Variants in RGS6 observed in about 807,000 individuals in gnomAD.
RGS6 encodes regulator of G protein signaling 6.
A neutral mutation model predicts 78.5 loss-of-function variants in RGS6; 30 were observed. The observed-to-expected ratio is 0.38, with a 90% CI of 0.29 to 0.52. The LOEUF (loss-of-function observed/expected upper bound fraction) is 0.52, where lower values mean the gene tolerates loss of function less well. Ranked by LOEUF, RGS6 falls within the 20% of genes least tolerant of loss-of-function variation. The probability of loss-of-function intolerance (pLI) is 0.85; values close to 1 mark genes in which losing one functional copy is unlikely to be tolerated. For synonymous variants in RGS6, 206 were observed against 206.0 expected (o/e 1.00, Z 0.00); for missense variants, 495 against 609.7 (o/e 0.81, Z 1.98).
chr14:71,989,989 G>C (rs1316088094), intron 2 of RGS6, among the ~76,000 whole-genome samples: 1 of 147,818 alleles, frequency 6.8e-6, no homozygotes, highest in Admixed American at 6.8e-5. Flanking sequence ...AAGAAAAGAG[G>C]GTTATTTAGC....
the RGS6 span, among the ~76,000 whole-genome samples, chr14:72,610,315 T>C: frequency 6.6e-6 from 1 of 152,052 alleles, no homozygotes; most frequent in Non-Finnish European, 1.5e-5. Flanking sequence ...GAGCAGCAGG[T>C]AGGCAGCTCA....
At chr14:72,416,111 C>T (rs376106202) in intron 3 of RGS6, among the ~76,000 whole-genome samples, 13 of 150,368 alleles carry the variant, frequency 8.6e-5, no homozygotes, top group African/African-American at 2.9e-4. Context: ...TCGCACTGCA[C>T]CCCAGCCTGG....
chr14:72,208,239 C>G (rs2043161887), intron 2 of RGS6, among the ~76,000 whole-genome samples: 2 of 152,208 alleles, frequency 1.3e-5, no homozygotes, highest in South Asian at 4.1e-4. Flanking sequence ...AGGCTTACTG[C>G]TATTGGAGCT....
the RGS6 span, among the ~76,000 whole-genome samples, chr14:72,626,952 G>A: frequency 3.3e-3 from 505 of 151,288 alleles, 1 homozygote; most frequent in Non-Finnish European, 5.7e-3. Flanking sequence ...ATCTTTAAGG[G>A]TCATTTTTAT....
chr14:72,096,971 ATACCGCTGCTGCAGCACGTCTGTAG>A, intron 2 of RGS6, among the ~76,000 whole-genome samples: 1 of 152,328 alleles, frequency 6.6e-6, no homozygotes, highest in South Asian at 2.1e-4. Flanking sequence ...AAGGGTGAGG[ATACCGCTGCTGCAGCACGTCTGTAG>A]TAGGGAATGA....
At chr14:72,116,192 G>T (rs2095880163) in intron 2 of RGS6, among the ~76,000 whole-genome samples, 1 of 152,148 alleles carries the variant, frequency 6.6e-6, no homozygotes, top group Non-Finnish European at 1.5e-5. Context: ...GACATAGGAT[G>T]ATCTAGAGTT....
At chr14:71,928,714 A>G (rs371556837), upstream of RGS6, among the ~76,000 whole-genome samples, 45 of 152,360 alleles carry the variant, frequency 3.0e-4, no homozygotes, top group African/African-American at 1.1e-3. Flanking sequence ...GGTTTTACCT[A>G]TAAATATTAT....
intron 3 of RGS6, among the ~76,000 whole-genome samples, chr14:72,450,530 G>T (rs965025748): frequency 3.3e-5 from 5 of 152,164 alleles, no homozygotes; most frequent in Non-Finnish European, 7.3e-5. Flanking sequence ...GCCTCAAAAA[G>T]AATGCTTTCA....
chr14:72,461,806 C>T (rs550498673), intron 6 of RGS6, among the ~76,000 whole-genome samples: 1 of 152,306 alleles, frequency 6.6e-6, no homozygotes, highest in African/African-American at 2.4e-5. Flanking sequence ...TCAACCCGTT[C>T]CACTAGCTGG....
At chr14:72,399,337 T>A (rs1231970038) in intron 3 of RGS6, among the ~76,000 whole-genome samples, 20 of 152,224 alleles carry the variant, frequency 1.3e-4, no homozygotes, top group African/African-American at 2.2e-4. Flanking sequence ...CTGTTTTATC[T>A]GAGACTAGGA....
At position 72,563,764 on chromosome 14, in the gene RGS6, A is replaced by G. The variant is rs886687802; in HGVS notation, c.*1297A>G. 7.2e-5 allele frequency: 11 copies of G among 152,154 alleles called. No homozygotes were observed. The highest frequency in any genetic ancestry group is 1.3e-4 in the Non-Finnish European group (9 of 68,018). 9.4% of individuals were successfully genotyped at this position (152,154 alleles called of 1,614,324 possible). A position where few individuals can be genotyped will look rare whatever the true frequency, so the allele number is the denominator to read the frequency against. On this transcript the variant is annotated 3_prime_UTR_variant, in exon 18 of 18. Coordinates refer to ENST00000553525, the MANE Select transcript of RGS6 (RefSeq NM_001204424.2). Reference sequence around the variant, plus strand: ...TGCTTAGCAAACGGTAGCTAATACTATCATCATTGTCATTGTTATTGTGAC... The same window carrying G: ...TGCTTAGCAAACGGTAGCTAATACTGTCATCATTGTCATTGTTATTGTGAC...
At position 72,194,930 on chromosome 14, in the gene RGS6, G is replaced by C. The variant is rs188597409; in HGVS notation, c.85-157165G>C. On this transcript the variant is annotated intron_variant, in intron 2 of 17. Coordinates refer to ENST00000553525, the MANE Select transcript of RGS6 (RefSeq NM_001204424.2). ...CTATAAAGATTACACAAATAGGCTG[G>C]GTGCAGTGGCTCACACCTGTCAATC... is the stretch of plus-strand genomic sequence containing the variant. Among the ~76,000 whole-genome samples, 13 of 152,184 alleles carry C rather than the reference G, an allele frequency of 8.5e-5. No individual in the cohort carries two copies. The East Asian group carries it at 2.5e-3, about 29-fold the overall frequency.
chr14:71,872,237 A>T, the RGS6 span, among the ~76,000 whole-genome samples: 1 of 152,174 alleles, frequency 6.6e-6, no homozygotes, highest in Non-Finnish European at 1.5e-5. Flanking sequence ...CATCCACAGG[A>T]TCAGATAAAA....
intron 3 of RGS6, among the ~76,000 whole-genome samples, chr14:72,412,834 T>C (rs1368609183): frequency 2.0e-5 from 3 of 152,332 alleles, no homozygotes; most frequent in African/African-American, 7.2e-5. Flanking sequence ...TACCCAGTAG[T>C]CATTCAGGAG....
intron 2 of RGS6, among the ~76,000 whole-genome samples, chr14:72,294,513 C>T (rs1022963739): frequency 6.6e-6 from 1 of 152,188 alleles, no homozygotes; most frequent in Non-Finnish European, 1.5e-5. Flanking sequence ...TGAGTCCATT[C>T]TCACATTGCT....
At chr14:72,353,898 C>A (rs2079637360) in intron 3 of RGS6, among the ~76,000 whole-genome samples, 1 of 152,018 alleles carries the variant, frequency 6.6e-6, no homozygotes, top group Admixed American at 6.6e-5. Flanking sequence ...GCAGGAGAAT[C>A]ACTTGAACCT....
At chr14:72,061,314 T>A (rs1178020052) in intron 2 of RGS6, among the ~76,000 whole-genome samples, 4 of 152,184 alleles carry the variant, frequency 2.6e-5, no homozygotes, top group Non-Finnish European at 5.9e-5. Context: ...TTTGTTGAGA[T>A]AAGGGTCCGT....
chr14:72,164,675 G>A (rs1256072855), intron 2 of RGS6, among the ~76,000 whole-genome samples: 3 of 148,676 alleles, frequency 2.0e-5, no homozygotes, highest in Non-Finnish European at 4.5e-5. Context: ...GTTATTTTCA[G>A]AAGTGGGAAA....
intron 3 of RGS6, among the ~76,000 whole-genome samples, chr14:72,383,803 G>A (rs530649166): frequency 6.6e-6 from 1 of 151,446 alleles, no homozygotes; most frequent in African/African-American, 2.4e-5. Flanking sequence ...TTCAAAGGGT[G>A]GGGGGGGACG....
Sources: gnomAD v4.1 joint callset for allele counts (sites outside exome capture counted in the v4.1 genomes callset) on GRCh38, gnomAD v4.1.1 for gene constraint, MANE v1.5 for transcripts, NCBI Gene and HGNC (gene_info 2026-07-23, HGNC 2026-07-21) for gene names.